AIG1: variants seen among roughly 807,000 people sequenced by gnomAD.
AIG1 encodes the protein androgen induced 1.
A neutral mutation model predicts 31.4 loss-of-function variants in AIG1; 23 were observed. That is an observed-to-expected ratio of 0.73 (90% confidence interval 0.53 to 1.04). The LOEUF (loss-of-function observed/expected upper bound fraction) is 1.04. Among genes scored for constraint, AIG1 ranks in the 50% least tolerant of loss-of-function variants. The probability of loss-of-function intolerance (pLI) is 0.00; values close to 1 mark genes in which losing one functional copy is unlikely to be tolerated. For synonymous variants in AIG1, 100 were observed against 110.5 expected, an observed-to-expected ratio of 0.90 and a Z score of 0.60; for missense variants, 274 against 295.0, an observed-to-expected ratio of 0.93 and a Z score of 0.52.
chr6:143,128,869 G>A (rs1782939315), intron 1 of AIG1, among the ~76,000 whole-genome samples: 1 of 152,200 alleles, frequency 6.6e-6, no homozygotes, highest in Non-Finnish European at 1.5e-5. Context: ...GTGAGTTTAT[G>A]CTTCTTTCCT....
intron 3 of AIG1, among the ~76,000 whole-genome samples, chr6:143,185,922 T>A (rs1463051108): frequency 3.3e-5 from 5 of 152,246 alleles, no homozygotes; most frequent in Non-Finnish European, 7.3e-5. Flanking sequence ...CATCCTTCAG[T>A]GAGCCATTCT....
intron 3 of AIG1, chr6:143,190,290 A>G: frequency 4.1e-6 from 4 of 985,482 alleles, no homozygotes; most frequent in Non-Finnish European, 4.8e-6. Flanking sequence ...GGAGTCGAGA[A>G]ACAGAATAAA....
downstream of AIG1, among the ~76,000 whole-genome samples, chr6:143,341,635 G>C (rs1422247429): frequency 6.6e-6 from 1 of 152,180 alleles, no homozygotes; most frequent in African/African-American, 2.4e-5. Context: ...CAAGGAGAGA[G>C]GACTCAGAGG....
At chr6:143,261,917 C>G (rs1482031510) in intron 3 of AIG1, among the ~76,000 whole-genome samples, 1 of 152,210 alleles carries the variant, frequency 6.6e-6, no homozygotes, top group Non-Finnish European at 1.5e-5. Context: ...TCCTTGCACT[C>G]TTGAAAAAGC....
intron 4 of AIG1, among the ~76,000 whole-genome samples, chr6:143,306,416 G>T (rs1475112860): frequency 4.6e-5 from 7 of 151,928 alleles, no homozygotes; most frequent in Admixed American, 3.3e-4. Context: ...TTTAGGGCAG[G>T]CCTGGTGGTG....
intron 1 of AIG1, among the ~76,000 whole-genome samples, chr6:143,112,998 A>C (rs1781419715): frequency 6.6e-6 from 1 of 152,152 alleles, no homozygotes; most frequent in Non-Finnish European, 1.5e-5. Context: ...CCTAAGCCTG[A>C]CTGAGATCAT....
At chr6:143,229,784 C>CAACAAAA (rs1554260078) in intron 3 of AIG1, among the ~76,000 whole-genome samples, 2 of 80,704 alleles carry the variant, frequency 2.5e-5, no homozygotes, top group Non-Finnish European at 5.7e-5. Flanking sequence ...ACTCTCAGAA[C>CAACAAAA]AAAAAAAAAA....
intron 4 of AIG1, among the ~76,000 whole-genome samples, chr6:143,323,110 G>A (rs1022550188): frequency 1.3e-5 from 2 of 152,196 alleles, no homozygotes; most frequent in African/African-American, 4.8e-5. Context: ...CAAATTTGTG[G>A]ATGAGCTCAG....
At chr6:143,187,450 T>C in intron 3 of AIG1, 6 of 1,535,598 alleles carry the variant, frequency 3.9e-6, no homozygotes, top group Non-Finnish European at 5.2e-6. Context: ...ATCAGCTTGG[T>C]TGAAGTTTGG....
intron 3 of AIG1, among the ~76,000 whole-genome samples, chr6:143,209,512 A>T (rs966284469): frequency 2.0e-5 from 3 of 152,184 alleles, no homozygotes; most frequent in African/African-American, 4.8e-5. Context: ...GAGTAATATG[A>T]TGTAAAAAAA....
downstream of AIG1, chr6:143,342,421 A>G: frequency 8.0e-6 from 6 of 747,234 alleles, no homozygotes; most frequent in South Asian, 8.5e-5. Context: ...GAACCCAGTA[A>G]GGTTGAACCT....
intron 1 of AIG1, among the ~76,000 whole-genome samples, chr6:143,116,327 G>A (rs937215317): frequency 3.3e-5 from 5 of 152,142 alleles, no homozygotes; most frequent in Admixed American, 3.3e-4. Flanking sequence ...CATACTTGTG[G>A]AATGATGGGT....
intron 3 of AIG1, among the ~76,000 whole-genome samples, chr6:143,192,520 G>A (rs1165434181): frequency 4.0e-5 from 6 of 151,564 alleles, no homozygotes; most frequent in African/African-American, 9.7e-5. Context: ...CAGGGGAATC[G>A]CTTAAACCCA....
chr6:143,311,193 A>G (rs1775246317), intron 4 of AIG1, among the ~76,000 whole-genome samples: 1 of 151,916 alleles, frequency 6.6e-6, no homozygotes, highest in African/African-American at 2.4e-5. Context: ...GATGCAAAAA[A>G]TCCTCAAAAA....
intron 3 of AIG1, among the ~76,000 whole-genome samples, chr6:143,243,191 T>C (rs1024840550): frequency 2.0e-5 from 3 of 152,214 alleles, no homozygotes; most frequent in Non-Finnish European, 2.9e-5. Context: ...AAATAATCAG[T>C]TGATGATGTG....
At chr6:143,324,875 A>G (rs1776478500) in intron 4 of AIG1, among the ~76,000 whole-genome samples, 1 of 152,224 alleles carries the variant, frequency 6.6e-6, no homozygotes, top group African/African-American at 2.4e-5. Context: ...AGGATGATAT[A>G]TCGACCTCAC....
chr6:143,302,995 A>G (rs1337368129), intron 4 of AIG1, among the ~76,000 whole-genome samples: 1 of 151,920 alleles, frequency 6.6e-6, no homozygotes, highest in African/African-American at 2.4e-5. Context: ...GCATTTTTTC[A>G]TGTGTTTTTT....
At chr6:143,257,969 T>C (rs6917433) in intron 3 of AIG1, among the ~76,000 whole-genome samples, 80,144 of 151,976 alleles carry the variant, frequency 0.53, 22,198 homozygotes, top group East Asian at 0.93. Context: ...GCACAGTGGC[T>C]AGTTCTTTTT....
At position 143,257,356 on chromosome 6, in the gene AIG1, C is replaced by CA. The variant is rs919148451; in HGVS notation, c.400-26745dup. 1.5e-4 allele frequency among the ~76,000 whole-genome samples: 23 copies of CA among 151,012 alleles called. 1 individual carries two copies. The highest frequency in any genetic ancestry group is 2.4e-4 in the African/African-American group (10 of 41,164). ...AAAAAAAACAAAAACAAAACAAAAA[C>CA]AAAAAAAAATTGTTATTCAGGGACC... On this transcript the variant is annotated intron_variant, in intron 3 of 5. Coordinates refer to ENST00000357847, the MANE Select transcript of AIG1 (RefSeq NM_016108.4).
Sources: allele counts gnomAD v4.1 joint callset (sites outside exome capture counted in the v4.1 genomes callset), GRCh38; gene constraint gnomAD v4.1.1; transcripts MANE v1.5; gene names NCBI Gene and HGNC (gene_info 2026-07-23, HGNC 2026-07-21).